Variants in MRPL45 observed in about 807,000 individuals in gnomAD.
The protein encoded by MRPL45 is mitochondrial ribosomal protein L45, also known as large ribosomal subunit protein mL45.
A neutral mutation model predicts 38.1 loss-of-function variants in MRPL45; 20 were observed. The ratio of observed to expected loss-of-function variants is 0.53; its 90% CI spans 0.37 to 0.76. MRPL45 has a LOEUF of 0.76. Ranked by LOEUF, MRPL45 falls within the 30% of genes least tolerant of loss-of-function variation. The pLI, the probability that MRPL45 is intolerant of heterozygous loss-of-function variation, is 0.00. For missense variants in MRPL45, 337 were observed against 395.6 expected (o/e 0.85, Z 1.26); for synonymous variants, 105 against 128.8 (o/e 0.82, Z 1.25).
intron 4 of MRPL45, among the ~76,000 whole-genome samples, chr17:38,308,629 C>T (rs1370053818): frequency 4.0e-5 from 6 of 151,298 alleles, no homozygotes; most frequent in Non-Finnish European, 5.9e-5. Context: ...TTAATAGAGA[C>T]GGATTTCACC....
chr17:38,322,870 C>T lies in MRPL45; in HGVS notation c.*275C>T. 6 of 394,978 alleles carry T rather than the reference C, an allele frequency of 1.5e-5. No homozygotes were observed. Among genetic ancestry groups the T allele is most frequent in the South Asian group, 8.3e-5 (2 of 24,108 alleles). 24.5% of individuals were successfully genotyped at this position (394,978 alleles called of 1,614,324 possible). ...GTATGTTTCAGAGAACATTGGATATCAGTTTTTCCCACAGCAGGGACTGTG... is the reference window on the plus strand; with the variant it reads ...GTATGTTTCAGAGAACATTGGATATTAGTTTTTCCCACAGCAGGGACTGTG... On this transcript the variant is annotated 3_prime_UTR_variant, in exon 8 of 8. Transcript: ENST00000613675.
At chr17:38,303,048 C>A (rs974459455) in intron 3 of MRPL45, among the ~76,000 whole-genome samples, 23 of 151,630 alleles carry the variant, frequency 1.5e-4, no homozygotes, top group African/African-American at 5.6e-4. Context: ...ATTAAACCAA[C>A]CTCACATCCC....
intron 3 of MRPL45, among the ~76,000 whole-genome samples, chr17:38,302,395 G>C (rs547186367): frequency 9.9e-4 from 148 of 149,086 alleles, no homozygotes; most frequent in African/African-American, 3.5e-3. Context: ...GCTGAGGCAG[G>C]AGAATCGGTT....
At chr17:38,318,192 G>A (rs2037193242) in intron 4 of MRPL45, among the ~76,000 whole-genome samples, 1 of 120,330 alleles carries the variant, frequency 8.3e-6, no homozygotes, top group Non-Finnish European at 1.6e-5. Context: ...TGGCGACAGA[G>A]CGAGACTCTG....
intron 4 of MRPL45, among the ~76,000 whole-genome samples, chr17:38,312,814 C>A (rs935611156): frequency 6.7e-6 from 1 of 149,768 alleles, no homozygotes; most frequent in Admixed American, 6.7e-5. Context: ...TCACTACACT[C>A]CAGCCTCAAT....
At chr17:38,316,349 G>A (rs931839159) in intron 4 of MRPL45, among the ~76,000 whole-genome samples, 2 of 151,950 alleles carry the variant, frequency 1.3e-5, no homozygotes, top group African/African-American at 4.8e-5. Flanking sequence ...TTTCTGTTTG[G>A]TTCCCTTGTA....
At chr17:38,300,934 G>A (rs1038150088) in intron 3 of MRPL45, among the ~76,000 whole-genome samples, 25 of 151,916 alleles carry the variant, frequency 1.6e-4, no homozygotes, top group African/African-American at 4.6e-4. Flanking sequence ...CAACAAGGGC[G>A]AAACTCTGTC....
chr17:38,307,315 C>A (rs1353432000), intron 4 of MRPL45, among the ~76,000 whole-genome samples: 1 of 151,582 alleles, frequency 6.6e-6, no homozygotes, highest in African/African-American at 2.4e-5. Flanking sequence ...GGATTACAGG[C>A]ATGAGCCACC....
chr17:38,307,287 C>T (rs929542525), intron 4 of MRPL45, among the ~76,000 whole-genome samples: 13 of 151,634 alleles, frequency 8.6e-5, no homozygotes, highest in African/African-American at 2.7e-4. Flanking sequence ...CTGCCCGCCT[C>T]GGCCTCCCAA....
rs1392207061 is a variant in MRPL45 at position 38,303,468 on chromosome 17, G to A, written c.363-3065G>A. 2.6e-5 allele frequency among the ~76,000 whole-genome samples: 4 copies of A among 151,206 alleles called. No homozygotes were observed. In the South Asian group the frequency reaches 6.3e-4, roughly 24 times the overall value. On this transcript the variant is annotated intron_variant, in intron 3 of 7. Coordinates refer to ENST00000613675, the MANE Select transcript of MRPL45 (RefSeq NM_032351.6). ...GTGTGCCACCACACCTGGCTGTTTT[G>A]TATTTTTAGTACAGACGGGGTTTCA...
At chr17:38,301,097 C>G (rs2036991091) in intron 3 of MRPL45, among the ~76,000 whole-genome samples, 1 of 152,176 alleles carries the variant, frequency 6.6e-6, no homozygotes. Flanking sequence ...TCTCCACCAT[C>G]ATTCTTTGTC....
At chr17:38,309,291 T>C (rs2037084697) in intron 4 of MRPL45, among the ~76,000 whole-genome samples, 2 of 148,276 alleles carry the variant, frequency 1.3e-5, no homozygotes, top group South Asian at 4.4e-4. Flanking sequence ...CCAAGACTGG[T>C]GGATCACAAG....
chr17:38,318,036 C>T (rs899375186), intron 4 of MRPL45, among the ~76,000 whole-genome samples: 12 of 151,224 alleles, frequency 7.9e-5, no homozygotes, highest in Admixed American at 6.6e-4. Flanking sequence ...GGTGAAACCC[C>T]ATCTCTACTA....
intron 5 of MRPL45, among the ~76,000 whole-genome samples, chr17:38,320,224 T>C (rs1036712207): frequency 2.0e-5 from 3 of 152,148 alleles, no homozygotes; most frequent in African/African-American, 7.2e-5. Flanking sequence ...CACTTTTCAT[T>C]GTTAATATGT....
chr17:38,320,596 A>G lies in MRPL45; in HGVS notation c.511-22A>G, dbSNP rs773247548. On this transcript the variant is annotated intron_variant, in intron 5 of 7. Coordinates refer to ENST00000613675, the MANE Select transcript of MRPL45 (RefSeq NM_032351.6). ...TAAAGGGAGGGAAAAATGCAGTTGA[A>G]CTTGTTCTCCTTTGCCCTTAGGACA... The G allele has an allele frequency of 3.9e-5, 62 of 1,610,230 alleles. No homozygotes were observed. The Middle Eastern group carries it at 8.2e-4, about 21-fold the overall frequency.
intron 4 of MRPL45, among the ~76,000 whole-genome samples, chr17:38,311,266 G>A (rs534186067): frequency 3.9e-5 from 6 of 152,216 alleles, no homozygotes; most frequent in South Asian, 4.1e-4. Context: ...GAATGTTAGT[G>A]TCTCCTGAAA....
At chr17:38,311,684 C>CAAAAAA (rs756151374) in intron 4 of MRPL45, among the ~76,000 whole-genome samples, 1 of 92,304 alleles carries the variant, frequency 1.1e-5, no homozygotes, top group African/African-American at 3.8e-5. Flanking sequence ...GACTCCGTCT[C>CAAAAAA]AAAAAAAAAA....
chr17:38,302,435 C>G (rs760307340), intron 3 of MRPL45, among the ~76,000 whole-genome samples: 1 of 147,730 alleles, frequency 6.8e-6, no homozygotes, highest in Non-Finnish European at 1.5e-5. Context: ...TGCAGTGAGC[C>G]CAGATTGCAC....
At chr17:38,307,227 G>A (rs572746055) in intron 4 of MRPL45, among the ~76,000 whole-genome samples, 2 of 151,780 alleles carry the variant, frequency 1.3e-5, no homozygotes, top group African/African-American at 2.4e-5. Flanking sequence ...GTAGAGACGG[G>A]GTTTCATCAT....
Sources: allele counts gnomAD v4.1 joint callset (sites outside exome capture counted in the v4.1 genomes callset), GRCh38; gene constraint gnomAD v4.1.1; transcripts MANE v1.5; gene names NCBI Gene and HGNC (gene_info 2026-07-23, HGNC 2026-07-21).